The following GRIK2 variants were observed in gnomAD, a reference collection of about 807,000 sequenced individuals.
The protein encoded by GRIK2 is glutamate receptor ionotropic, kainate 2.
Under a neutral mutation model 100.3 loss-of-function variants are expected in GRIK2, and 32 were observed. The observed-to-expected ratio is 0.32, with a 90% CI of 0.24 to 0.43. The LOEUF is 0.43. Among genes scored for constraint, GRIK2 ranks in the 20% least tolerant of loss-of-function variants. The pLI is 1.00. For synonymous variants in GRIK2, 417 were observed against 389.4 expected (o/e 1.07, Z -0.83); for missense variants, 843 against 1,114.9 (o/e 0.76, Z 3.47).
At chr6:101,821,850 T>C (rs1269011166) in intron 10 of GRIK2, among the ~76,000 whole-genome samples, 3 of 152,112 alleles carry the variant, frequency 2.0e-5, no homozygotes, top group African/African-American at 7.2e-5. Context: ...TCTCTTGAAA[T>C]ATCTTAGAGG....
At chr6:101,399,721 T>C (rs1272802857) in intron 2 of GRIK2, among the ~76,000 whole-genome samples, 1 of 152,112 alleles carries the variant, frequency 6.6e-6, no homozygotes, top group East Asian at 1.9e-4. Context: ...CCCTGCGAGC[T>C]TGGAGGGGTG....
intron 2 of GRIK2, among the ~76,000 whole-genome samples, chr6:101,549,853 T>C (rs1008354181): frequency 6.6e-6 from 1 of 152,192 alleles, no homozygotes; most frequent in Non-Finnish European, 1.5e-5. Context: ...GTGAGAACTA[T>C]AATTATCCCC....
chr6:101,989,975 CATT>C (rs1224750569), intron 14 of GRIK2, among the ~76,000 whole-genome samples: 1 of 151,532 alleles, frequency 6.6e-6, no homozygotes, highest in Non-Finnish European at 1.5e-5. Flanking sequence ...CTTCATCAAT[CATT>C]AGAGGAAATG....
At chr6:101,835,211 A>G (rs931536675) in intron 10 of GRIK2, among the ~76,000 whole-genome samples, 2 of 151,860 alleles carry the variant, frequency 1.3e-5, no homozygotes, top group Admixed American at 6.6e-5. Context: ...TATTTTTTTC[A>G]TTGGTTTAAC....
intron 2 of GRIK2, among the ~76,000 whole-genome samples, chr6:101,423,845 A>C (rs932559517): frequency 6.6e-6 from 1 of 152,170 alleles, no homozygotes; most frequent in Admixed American, 6.6e-5. Context: ...TTGAAATCAG[A>C]ATCATGAAGA....
At chr6:101,467,745 C>T (rs1272429106) in intron 2 of GRIK2, among the ~76,000 whole-genome samples, 1 of 152,134 alleles carries the variant, frequency 6.6e-6, no homozygotes, top group Non-Finnish European at 1.5e-5. Flanking sequence ...TTCAGCAATA[C>T]AGTGAAACAT....
At chr6:101,494,996 T>TATATATATATATATAC (rs1773355331) in intron 2 of GRIK2, among the ~76,000 whole-genome samples, 1 of 145,832 alleles carries the variant, frequency 6.9e-6, no homozygotes, top group South Asian at 2.1e-4. Context: ...TATATATATA[T>TATATATATATATATAC]ATATGAAGGA....
chr6:101,660,439 G>A (rs982578813), intron 4 of GRIK2, among the ~76,000 whole-genome samples: 1 of 152,106 alleles, frequency 6.6e-6, no homozygotes, highest in Non-Finnish European at 1.5e-5. Flanking sequence ...GATCGGAGGA[G>A]TTTGTTATTA....
At chr6:101,929,338 C>T (rs192497360) in intron 14 of GRIK2, among the ~76,000 whole-genome samples, 1 of 152,148 alleles carries the variant, frequency 6.6e-6, no homozygotes, top group African/African-American at 2.4e-5. Context: ...TAGCTATTAC[C>T]ACTTTATAAT....
At chr6:101,454,984 A>G (rs2128250477) in intron 2 of GRIK2, among the ~76,000 whole-genome samples, 1 of 152,288 alleles carries the variant, frequency 6.6e-6, no homozygotes, top group South Asian at 2.1e-4. Flanking sequence ...TTTAAAAAAC[A>G]TAATCCTGAA....
intron 7 of GRIK2, among the ~76,000 whole-genome samples, chr6:101,705,734 G>A (rs1773233011): frequency 6.6e-6 from 1 of 151,796 alleles, no homozygotes; most frequent in African/African-American, 2.4e-5. Flanking sequence ...ATTTATAATT[G>A]TCATCAAATG....
chr6:101,894,883 A>C (rs1033365451), intron 12 of GRIK2, among the ~76,000 whole-genome samples: 6 of 151,748 alleles, frequency 4.0e-5, no homozygotes, highest in African/African-American at 1.2e-4. Flanking sequence ...GAGATGAATA[A>C]CTGAAGACCA....
At chr6:101,759,960 C>CAAG (rs1335985502) in intron 7 of GRIK2, among the ~76,000 whole-genome samples, 11 of 125,176 alleles carry the variant, frequency 8.8e-5, no homozygotes, top group South Asian at 2.5e-4. Context: ...CGGCTCACTT[C>CAAG]CCGGGTTCAC....
intron 7 of GRIK2, among the ~76,000 whole-genome samples, chr6:101,734,715 G>T (rs886854247): frequency 1.3e-5 from 2 of 152,072 alleles, no homozygotes; most frequent in Admixed American, 1.3e-4. Flanking sequence ...TAAAGAATTG[G>T]GAACTTGTCC....
intron 2 of GRIK2, among the ~76,000 whole-genome samples, chr6:101,531,771 CAG>C (rs1775455809): frequency 6.6e-6 from 1 of 151,954 alleles, no homozygotes; most frequent in East Asian, 1.9e-4. Flanking sequence ...TCCAGGCTAT[CAG>C]AAATCTGAAT....
intron 12 of GRIK2, among the ~76,000 whole-genome samples, chr6:101,909,718 GTGTT>G (rs201521520): frequency 0.026 from 3,900 of 150,904 alleles, 168 homozygotes; most frequent in African/African-American, 0.091. Flanking sequence ...GTGTGTAAGT[GTGTT>G]TCTGTATATC....
At chr6:101,400,785 A>G (rs1775261241) in intron 2 of GRIK2, among the ~76,000 whole-genome samples, 2 of 152,220 alleles carry the variant, frequency 1.3e-5, no homozygotes, top group Admixed American at 1.3e-4. Flanking sequence ...ACATACACAT[A>G]GATGCCCACA....
At chr6:101,696,631 A>C (rs1354318068) in intron 7 of GRIK2, among the ~76,000 whole-genome samples, 1 of 151,878 alleles carries the variant, frequency 6.6e-6, no homozygotes, top group African/African-American at 2.4e-5. Context: ...AATAACCTAA[A>C]TTGTGAATTG....
intron 2 of GRIK2, among the ~76,000 whole-genome samples, chr6:101,584,931 G>T (rs1372451718): frequency 6.6e-6 from 1 of 151,786 alleles, no homozygotes; most frequent in African/African-American, 2.4e-5. Context: ...GAAATGTTGA[G>T]ATTTCAGTAA....
Sources: gnomAD v4.1 joint callset for allele counts (sites outside exome capture counted in the v4.1 genomes callset) on GRCh38, gnomAD v4.1.1 for gene constraint, MANE v1.5 for transcripts, NCBI Gene and HGNC (gene_info 2026-07-23, HGNC 2026-07-21) for gene names.